Variants in DISP2 observed in about 807,000 individuals in gnomAD.
DISP2 encodes dispatched RND transporter family member 2, also known as protein dispatched homolog 2.
A neutral mutation model predicts 95.5 loss-of-function variants in DISP2; 59 were observed. That is an observed-to-expected ratio of 0.62 (90% CI 0.50 to 0.77). The LOEUF (loss-of-function observed/expected upper bound fraction) is 0.77, where lower values mean the gene tolerates loss of function less well. Among genes scored for constraint, DISP2 ranks in the 30% least tolerant of loss-of-function variants. The probability of loss-of-function intolerance (pLI) is 0.00; values close to 1 mark genes in which losing one functional copy is unlikely to be tolerated. For missense variants in DISP2, 1,752 were observed against 1,854.6 expected (o/e 0.94, Z 1.02); for synonymous variants, 827 against 815.0 (o/e 1.01, Z -0.25).
rs1420573218 is a variant in DISP2 at position 40,358,363 on chromosome 15, G to T, written c.42G>T (p.Pro14=). 1.4e-6 allele frequency: 2 copies of T among 1,381,300 alleles called. No homozygotes were observed. The highest frequency in any genetic ancestry group is 3.0e-5 in the African/African-American group (2 of 66,564). 85.6% of individuals were successfully genotyped at this position (1,381,300 alleles called of 1,614,324 possible). A position where few individuals can be genotyped will look rare whatever the true frequency, so the allele number is the denominator to read the frequency against. The change falls in exon 1 of 8, where the codon CCG becomes CCT. Residue 14 remains proline, a synonymous_variant. Transcript: ENST00000267889. ...DSSSSSGGSG[P]APGPGPEGEQ... ...GCAGCAGCAGCGGCGGCAGCGGTCC[G>T]GCTCCCGGCCCGGGTCCGGAAGGGG...
rs200298254 is a variant in DISP2, at chr15:40,368,347, C to T, written c.2235C>T (p.Pro745=). The T allele has an allele frequency of 1.8e-4, 294 of 1,605,428 alleles. No individual in the cohort carries two copies. In the African/African-American group the frequency reaches 2.7e-3, roughly 15 times the overall value. The part of the protein sequence containing the change: ...PGGQVFRPSH[P]FERFDAEYRQ... ...GCCAGGTCTTCCGGCCCAGCCACCC[C>T]TTCGAGCGCTTCGACGCGGAGTATC... The change falls in exon 8 of 8, where the codon CCC becomes CCT. Residue 745 remains proline, a synonymous_variant. Transcript: ENST00000267889.
Position 40,369,863 on chromosome 15 carries a change from G to C in DISP2, c.3751G>C (p.Asp1251His). The C allele has an allele frequency of 3.8e-6, 6 of 1,568,040 alleles. No individual in the cohort carries two copies. The highest frequency in any genetic ancestry group is 5.2e-6 in the Non-Finnish European group (6 of 1,155,148). Residue 1251 changes from aspartate (D) to histidine (H), a missense_variant, in exon 8 of 8, where the codon GAC becomes CAC. Physicochemically the swap from Asp to His is moderately conservative, Grantham distance 81. Transcript: ENST00000267889. Reference protein sequence around the residue: ...GPSPKTRARQDSQGEEAEPLP... With the variant: ...GPSPKTRARQHSQGEEAEPLP... Reference sequence around the variant, plus strand: ...CAGCCCCAAAACCCGGGCCAGGCAGGACTCCCAAGGGGAGGAGGCTGAGCC... The same window carrying C: ...CAGCCCCAAAACCCGGGCCAGGCAGCACTCCCAAGGGGAGGAGGCTGAGCC...
Position 40,363,948 on chromosome 15 carries a change from G to A in DISP2, c.443G>A (p.Ser148Asn). 1 of 1,527,178 alleles carries A rather than the reference G, an allele frequency of 6.5e-7. No individual in the cohort carries two copies. 94.6% of individuals were successfully genotyped at this position (1,527,178 alleles called of 1,614,324 possible). A position where few individuals can be genotyped will look rare whatever the true frequency, so the allele number is the denominator to read the frequency against. ...CCCGCTGTGCAGCACCATGTGGTCA[G>A]CGTCAGGTAAGGAGGGGTCCAGCAG... Reference protein sequence around the residue: ...KPPAVQHHVVSVRQERAFQMP... With the variant: ...KPPAVQHHVVNVRQERAFQMP... The change falls in exon 2 of 8, where the codon AGC becomes AAC. Residue 148 changes from serine (S) to asparagine (N), a missense_variant. By Grantham distance (46) the Ser-to-Asn change is conservative (BLOSUM62 1). Transcript: ENST00000267889.
chr15:40,365,314 T>C (rs1390352855), intron 6 of DISP2, 40 bp downstream of exon 6: 1 of 1,606,532 alleles, frequency 6.2e-7, no homozygotes, highest in Non-Finnish European at 8.5e-7. Context: ...TTAATAGTGG[T>C]CCCCACCCCA....
chr15:40,358,697 T>C (rs1255224003), intron 1 of DISP2, among the ~76,000 whole-genome samples: 1 of 151,842 alleles, frequency 6.6e-6, no homozygotes, highest in Non-Finnish European at 1.5e-5. Context: ...CCACGGCTCC[T>C]ACCCCTCCTC....
chr15:40,359,678 C>G (rs549175306), intron 1 of DISP2, among the ~76,000 whole-genome samples: 128 of 152,378 alleles, frequency 8.4e-4, no homozygotes, highest in African/African-American at 3.0e-3. Flanking sequence ...TCCACTTGCT[C>G]TCTTCCAGAA....
intron 1 of DISP2, among the ~76,000 whole-genome samples, chr15:40,361,675 A>C (rs187033809): frequency 2.6e-5 from 4 of 152,232 alleles, no homozygotes; most frequent in African/African-American, 9.6e-5. Flanking sequence ...AAAGAAAGAA[A>C]GAGCATGTTT....
Position 40,370,203 on chromosome 15 carries a change from A to G in DISP2, c.4091A>G (p.Lys1364Arg). 6.2e-7 allele frequency: 1 copy of G among 1,611,480 alleles called. No homozygotes were observed. Among genetic ancestry groups the G allele is most frequent in the Non-Finnish European group, 8.5e-7 (1 of 1,179,114 alleles). Residue 1364 changes from lysine (K) to arginine (R), a missense_variant, in exon 8 of 8, where the codon AAG (lysine) becomes AGG (arginine). By Grantham distance (26) the Lys-to-Arg change is conservative. This residue lies in a region of DISP2 where 347 missense variants were observed against 344.2 expected (regional missense o/e 1.01). Transcript: ENST00000267889. ...PASHHSSLSW[K>R]GRGGPGDGSP... ...TCCCATCACAGCAGCTTGTCCTGGA[A>G]GGGCCGAGGGGGGCCAGGGGATGGC...
At chr15:40,360,131 T>C (rs1889384574) in intron 1 of DISP2, among the ~76,000 whole-genome samples, 1 of 152,134 alleles carries the variant, frequency 6.6e-6, no homozygotes, top group Non-Finnish European at 1.5e-5. Context: ...GCCTCTTAAA[T>C]GAGGCCTGCA....
Position 40,367,863 on chromosome 15 carries a change from G to A in DISP2, c.1751G>A (p.Arg584His), listed in dbSNP as rs756601299. The change falls in exon 8 of 8, where the codon CGC becomes CAC. Residue 584 changes from arginine (R) to histidine (H), a missense_variant. Physicochemically the swap from Arg to His is conservative, Grantham distance 29. This residue lies in a region of DISP2 where 732 missense variants were observed against 714.6 expected (regional missense o/e 1.02). Coordinates refer to ENST00000267889, the MANE Select transcript of DISP2 (RefSeq NM_033510.3). The stretch of plus-strand genomic sequence containing the variant: ...GGGGGGCTGGCGCAGCGCGTGGGCC[G>A]CACCATGCACCACTTCGGCTACCTG... The part of the protein sequence containing the change: ...PSGGLAQRVG[R>H]TMHHFGYLLL... The A allele has an allele frequency of 1.9e-6, 3 of 1,599,680 alleles. No individual in the cohort carries two copies. The highest frequency in any genetic ancestry group is 1.6e-4 in the Middle Eastern group (1 of 6,084).
intron 6 of DISP2, 120 bp from the exon 7 acceptor site, chr15:40,365,508 A>G (rs961869169): frequency 7.5e-6 from 10 of 1,324,760 alleles, no homozygotes; most frequent in Admixed American, 1.7e-5. Context: ...CAGTCCATGC[A>G]CAGGCTTGAG....
In DISP2 at chr15:40,367,475, C is replaced by T. The variant is rs371735197; in HGVS notation, c.1363C>T (p.Arg455Trp). The change falls in exon 8 of 8, where the codon CGG becomes TGG. Residue 455 changes from arginine (R) to tryptophan (W), a missense_variant. By Grantham distance (101) the Arg-to-Trp change is moderately radical. Coordinates refer to ENST00000267889, the MANE Select transcript of DISP2 (RefSeq NM_033510.3). Reference sequence around the variant, plus strand: ...TTCCCTCATGGACATCTACCTGGACCGGCTGGCCACCCCCTGGGGGCTTGC... The same window carrying T: ...TTCCCTCATGGACATCTACCTGGACTGGCTGGCCACCCCCTGGGGGCTTGC... ...GASLMDIYLD[R>W]LATPWGLADN... is the part of the protein sequence containing the mutation. The T allele has an allele frequency of 5.8e-5, 94 of 1,613,780 alleles. No individual in the cohort carries two copies. Among genetic ancestry groups the T allele is most frequent in the African/African-American group, 2.7e-4 (20 of 74,940 alleles).
Position 40,378,252 on chromosome 15 carries a change from AC to A in DISP2, c.*7935del, listed in dbSNP as rs1350192762. The A allele has an allele frequency of 6.6e-6, 1 of 152,204 alleles. No homozygotes were observed. Among genetic ancestry groups the A allele is most frequent in the Non-Finnish European group, 1.5e-5 (1 of 68,048 alleles). The allele number at this position is 152,204 out of a possible 1,614,324, so 9.4% of individuals were successfully genotyped here. A position where few individuals can be genotyped will look rare whatever the true frequency, so the allele number is the denominator to read the frequency against. On this transcript the variant is annotated 3_prime_UTR_variant, in exon 8 of 8. Coordinates refer to ENST00000267889, the MANE Select transcript of DISP2 (RefSeq NM_033510.3). ...TGTATTCCATATGTACTAAGTAGAG[AC>A]TAGGAAGATATTTTTAAATACCCAC...
chr15:40,358,478 C>T (rs1889355580), intron 1 of DISP2, 38 bp downstream of exon 1: 1 of 1,216,262 alleles, frequency 8.2e-7, no homozygotes, highest in Non-Finnish European at 1.0e-6. Context: ...ATCACAGACC[C>T]TCCCAGACCC....
At position 40,363,660 on chromosome 15, in the gene DISP2, C is replaced by G. The variant is rs763256585; in HGVS notation, c.155C>G (p.Pro52Arg). The part of the protein sequence containing the change: ...QTKAVPPEAS[P>R]ERSCSLHSCP... Reference sequence around the variant, plus strand: ...AAGGCTGTGCCCCCTGAGGCAAGCCCAGAGAGAAGCTGCTCCCTCCACAGC... The same window carrying G: ...AAGGCTGTGCCCCCTGAGGCAAGCCGAGAGAGAAGCTGCTCCCTCCACAGC... The change falls in exon 2 of 8, where the codon CCA becomes CGA. Residue 52 changes from proline to arginine, a missense_variant. Transcript: ENST00000267889. 2.6e-6 allele frequency: 4 copies of G among 1,568,572 alleles called. No individual in the cohort carries two copies. The highest frequency in any genetic ancestry group is 3.5e-6 in the Non-Finnish European group (4 of 1,155,978).
At chr15:40,366,984 G>T in intron 7 of DISP2, 74 bp from the exon 8 acceptor site, 2 of 1,550,960 alleles carry the variant, frequency 1.3e-6, no homozygotes, top group Non-Finnish European at 1.7e-6. Flanking sequence ...AGATGAGAGA[G>T]CCTTGTATAG....
At position 40,358,235 on chromosome 15, in the gene DISP2, C is replaced by A; in HGVS notation, c.-87C>A. ...AGCCTACGCATGCGCACGAGCACCC[C>A]GCCGCCGCTGCCGCCGCCACCGCCG... On this transcript the variant is annotated 5_prime_UTR_variant, in exon 1 of 8. Transcript: ENST00000267889. 1 of 952,236 alleles carries A rather than the reference C, an allele frequency of 1.1e-6. No individual in the cohort carries two copies. Among genetic ancestry groups the A allele is most frequent in the Non-Finnish European group, 1.3e-6 (1 of 768,486 alleles). The allele number at this position is 952,236 out of a possible 1,614,324, so 59.0% of individuals were successfully genotyped here. A position where few individuals can be genotyped will look rare whatever the true frequency, so the allele number is the denominator to read the frequency against.
chr15:40,364,174 G>C, intron 2 of DISP2, 52 bp from the exon 3 acceptor site: 1 of 1,590,928 alleles, frequency 6.3e-7, no homozygotes, highest in South Asian at 1.1e-5. Context: ...CCCAACACAC[G>C]CCCTCTGCAA....
chr15:40,365,860 T>A, intron 7 of DISP2, 135 bp downstream of exon 7: 9 of 879,598 alleles, frequency 1.0e-5, no homozygotes. Flanking sequence ...AGAAAATTAT[T>A]CCAACCCTGC....
Sources: allele counts gnomAD v4.1 joint callset (sites outside exome capture counted in the v4.1 genomes callset), GRCh38; gene constraint gnomAD v4.1.1; regional missense constraint gnomAD v4.1.1; transcripts MANE v1.5; gene names NCBI Gene and HGNC (gene_info 2026-07-23, HGNC 2026-07-21).